PITPNC1: variants seen among roughly 807,000 people sequenced by gnomAD.
The protein encoded by PITPNC1 is phosphatidylinositol transfer protein cytoplasmic 1.
Under a neutral mutation model 44.7 loss-of-function variants are expected in PITPNC1, and 18 were observed. The ratio of observed to expected loss-of-function variants is 0.40; its 90% CI spans 0.28 to 0.60. The LOEUF (loss-of-function observed/expected upper bound fraction) is 0.60, where lower values mean the gene tolerates loss of function less well. Among genes scored for constraint, PITPNC1 ranks in the 20% least tolerant of loss-of-function variants. PITPNC1 has a pLI of 0.39. For synonymous variants in PITPNC1, 141 were observed against 149.6 expected (o/e 0.94, Z 0.42); for missense variants, 290 against 418.4 (o/e 0.69, Z 2.68).
At chr17:67,650,051 A>G (rs1445472213) in intron 6 of PITPNC1, among the ~76,000 whole-genome samples, 1 of 151,928 alleles carries the variant, frequency 6.6e-6, no homozygotes, top group African/African-American at 2.4e-5. Context: ...TAACCCCCTA[A>G]TCACCTGGTG....
intron 2 of PITPNC1, among the ~76,000 whole-genome samples, chr17:67,549,687 G>T (rs976907034): frequency 6.6e-6 from 1 of 152,160 alleles, no homozygotes; most frequent in Non-Finnish European, 1.5e-5. Flanking sequence ...GGGCGAGGAG[G>T]TACTTGGGCC....
chr17:67,508,050 C>T lies in PITPNC1; in HGVS notation c.49-24752C>T, dbSNP rs989229300. Among the ~76,000 whole-genome samples the T allele has an allele frequency of 5.9e-5, 9 of 152,098 alleles. No individual in the cohort carries two copies. The highest frequency in any genetic ancestry group is 7.4e-5 in the Non-Finnish European group (5 of 68,018). On this transcript the variant is annotated intron_variant, in intron 1 of 8. Transcript: ENST00000581322. This position sits in a 1 kb window ranked among gnomAD's most constrained non-coding sequence, Gnocchi z 4.2. ...AAGTTATTTTTTCCAAAGCCTGCTC[C>T]TCCTCCTTCTATATTTAATTCCCAA... is the stretch of plus-strand genomic sequence containing the variant.
chr17:67,652,703 C>T (rs147753334), intron 6 of PITPNC1, among the ~76,000 whole-genome samples: 2,049 of 152,310 alleles, frequency 0.013, 26 homozygotes, highest in Middle Eastern at 0.041. Context: ...GCATCGCTTG[C>T]AGAGAAGTTC....
chr17:67,400,890 C>T (rs887538869), intron 1 of PITPNC1, among the ~76,000 whole-genome samples: 3 of 151,758 alleles, frequency 2.0e-5, no homozygotes, highest in South Asian at 2.1e-4. Flanking sequence ...TTGTTCGTTA[C>T]GCTTTCACCT....
intron 6 of PITPNC1, among the ~76,000 whole-genome samples, chr17:67,643,278 A>G (rs2042110454): frequency 6.6e-6 from 1 of 152,132 alleles, no homozygotes; most frequent in Non-Finnish European, 1.5e-5. Context: ...CCTAGGTACT[A>G]GGGAGGCTGA....
intron 8 of PITPNC1, among the ~76,000 whole-genome samples, chr17:67,689,059 G>T (rs2042874161): frequency 6.6e-6 from 1 of 152,114 alleles, no homozygotes; most frequent in Non-Finnish European, 1.5e-5. Context: ...AAAATTAGCT[G>T]GGCGTGGTGG....
chr17:67,607,674 C>G (rs924739871), intron 5 of PITPNC1, among the ~76,000 whole-genome samples: 1 of 152,106 alleles, frequency 6.6e-6, no homozygotes, highest in African/African-American at 2.4e-5. Context: ...CCCCAACCCC[C>G]CAGAACCCTT....
At chr17:67,528,694 G>A (rs1328893415) in intron 1 of PITPNC1, among the ~76,000 whole-genome samples, 1 of 152,134 alleles carries the variant, frequency 6.6e-6, no homozygotes, top group African/African-American at 2.4e-5. Context: ...CTGCTGCAGC[G>A]GTTCTCAGCA....
intron 4 of PITPNC1, among the ~76,000 whole-genome samples, chr17:67,574,969 T>C (rs1344745884): frequency 6.6e-6 from 1 of 151,070 alleles, no homozygotes; most frequent in Non-Finnish European, 1.5e-5. Flanking sequence ...CATCTGCTAA[T>C]TTGCATGGGA....
At chr17:67,482,540 A>C (rs2039718534) in intron 1 of PITPNC1, among the ~76,000 whole-genome samples, 1 of 152,234 alleles carries the variant, frequency 6.6e-6, no homozygotes, top group Non-Finnish European at 1.5e-5. Flanking sequence ...AGCCTCGCAA[A>C]GTCAAGTGGT....
intron 6 of PITPNC1, among the ~76,000 whole-genome samples, chr17:67,656,526 G>T (rs1471982504): frequency 6.6e-6 from 1 of 152,158 alleles, no homozygotes; most frequent in Non-Finnish European, 1.5e-5. Flanking sequence ...TTCATAGATA[G>T]ATACTAGGGG....
intron 1 of PITPNC1, among the ~76,000 whole-genome samples, chr17:67,412,858 GC>G (rs1208889288): frequency 2.0e-5 from 3 of 152,164 alleles, no homozygotes; most frequent in South Asian, 2.1e-4. Context: ...GAGCCACCGC[GC>G]CCGGCCTTCA....
intron 1 of PITPNC1, among the ~76,000 whole-genome samples, chr17:67,387,595 G>T (rs1184140090): frequency 6.6e-6 from 1 of 152,188 alleles, no homozygotes; most frequent in African/African-American, 2.4e-5. Flanking sequence ...GAACCCGGGA[G>T]GTGGAAGTTG....
At chr17:67,464,197 A>T (rs1598700891) in intron 1 of PITPNC1, among the ~76,000 whole-genome samples, 2 of 122,400 alleles carry the variant, frequency 1.6e-5, no homozygotes, top group Admixed American at 1.6e-4. Flanking sequence ...CATCTCAATT[A>T]AAAAAAAAAA....
At chr17:67,570,046 T>C (rs949579551) in intron 4 of PITPNC1, among the ~76,000 whole-genome samples, 1 of 152,188 alleles carries the variant, frequency 6.6e-6, no homozygotes, top group Non-Finnish European at 1.5e-5. Flanking sequence ...CCTCCCCCTC[T>C]GCCTGTAAGC....
intron 1 of PITPNC1, among the ~76,000 whole-genome samples, chr17:67,450,551 G>T (rs760001071): frequency 6.6e-6 from 1 of 151,878 alleles, no homozygotes; most frequent in South Asian, 2.1e-4. Context: ...TCAGCCTCTC[G>T]AGTAGCTGGG....
At chr17:67,500,661 ATTT>A (rs11295455) in intron 1 of PITPNC1, among the ~76,000 whole-genome samples, 9 of 147,054 alleles carry the variant, frequency 6.1e-5, no homozygotes, top group East Asian at 2.0e-4. Context: ...TTTTTTTAAG[ATTT>A]TTTTTTTTTT....
Position 67,599,034 on chromosome 17 carries a change from ATTTTT to A in PITPNC1, c.366+20793_366+20797del, listed in dbSNP as rs1160152426. ...TATATATATATATATATATATATAT[ATTTTT>A]TTTTTTTTTTTTTTTACCATGTTGG... On this transcript the variant is annotated intron_variant, in intron 5 of 8. Transcript: ENST00000581322. Among the ~76,000 whole-genome samples the A allele has an allele frequency of 1.7e-3, 62 of 35,624 alleles. 1 individual carries two copies. The highest frequency in any genetic ancestry group is 3.3e-3 in the African/African-American group (29 of 8,716). 23.4% of individuals were successfully genotyped at this position (35,624 alleles called of 152,430 possible). A position where few individuals can be genotyped will look rare whatever the true frequency, so the allele number is the denominator to read the frequency against.
At chr17:67,499,061 A>G (rs2039993956) in intron 1 of PITPNC1, among the ~76,000 whole-genome samples, 2 of 151,600 alleles carry the variant, frequency 1.3e-5, no homozygotes, top group South Asian at 4.2e-4. Flanking sequence ...TTTAACAGAG[A>G]CAGAGTTTCA....
Sources: allele counts gnomAD v4.1 joint callset (sites outside exome capture counted in the v4.1 genomes callset), GRCh38; gene constraint gnomAD v4.1.1; non-coding constraint Gnocchi (gnomAD v3.1); transcripts MANE v1.5; gene names NCBI Gene and HGNC (gene_info 2026-07-23, HGNC 2026-07-21).